The following ANO10 variants were observed in gnomAD, a reference collection of about 807,000 sequenced individuals.
ANO10 encodes the protein anoctamin-10.
In ANO10, 77 loss-of-function variants were observed where a neutral mutation model predicts 74.7. That is an observed-to-expected ratio of 1.03 (90% confidence interval 0.86 to 1.25). The LOEUF (loss-of-function observed/expected upper bound fraction) is 1.25. Among genes scored for constraint, ANO10 ranks in the 50% most tolerant of loss-of-function variants. The pLI is 0.00. For missense variants in ANO10, 721 were observed against 778.1 expected (o/e 0.93, Z 0.87); for synonymous variants, 279 against 284.9 (o/e 0.98, Z 0.21).
At chr3:43,589,621 T>A (rs1331815591) in intron 4 of ANO10, among the ~76,000 whole-genome samples, 6 of 152,044 alleles carry the variant, frequency 3.9e-5, no homozygotes, top group Non-Finnish European at 7.4e-5. Flanking sequence ...CTCAAATAAA[T>A]AAATAAATAC....
chr3:43,583,888 T>C (rs924363968), intron 4 of ANO10, among the ~76,000 whole-genome samples: 3 of 152,254 alleles, frequency 2.0e-5, no homozygotes, highest in African/African-American at 7.2e-5. Flanking sequence ...AAAGACATAA[T>C]ATATGTGCCA....
intron 1 of ANO10, among the ~76,000 whole-genome samples, chr3:43,679,268 A>G (rs1161573368): frequency 2.6e-5 from 4 of 152,224 alleles, no homozygotes; most frequent in Non-Finnish European, 5.9e-5. Flanking sequence ...CAATGGTCTT[A>G]GCAAACGGCA....
Position 43,366,703 on chromosome 3 carries a change from G to A in ANO10, c.*203C>T. 1 of 634,850 alleles carries A rather than the reference G, an allele frequency of 1.6e-6. No homozygotes were observed. 39.3% of individuals were successfully genotyped at this position (634,850 alleles called of 1,614,324 possible). A position where few individuals can be genotyped will look rare whatever the true frequency, so the allele number is the denominator to read the frequency against. On this transcript the variant is annotated 3_prime_UTR_variant, in exon 13 of 13. Coordinates refer to ENST00000292246, the MANE Select transcript of ANO10 (RefSeq NM_018075.5). ...ACTGGGAAGGAGCAGACAGGGTGGG[G>A]CTGGGGGAACTGCCAAGGATCCCGA...
At chr3:43,591,037 G>T (rs2081719099) in intron 4 of ANO10, among the ~76,000 whole-genome samples, 1 of 152,160 alleles carries the variant, frequency 6.6e-6, no homozygotes. Context: ...ACAATGATCG[G>T]GATATAAACC....
At chr3:43,644,084 T>TTTG (rs2083702126) in intron 1 of ANO10, among the ~76,000 whole-genome samples, 2 of 152,060 alleles carry the variant, frequency 1.3e-5, no homozygotes, top group African/African-American at 4.8e-5. Context: ...TCCCTGATTT[T>TTTG]TTTGTTTGTT....
intron 4 of ANO10, among the ~76,000 whole-genome samples, chr3:43,594,861 G>A (rs573547102): frequency 2.2e-4 from 33 of 152,052 alleles, no homozygotes; most frequent in East Asian, 3.9e-4. Context: ...TTGATAGACC[G>A]CTAGCAAGAC....
chr3:43,587,625 T>C (rs886432996), intron 4 of ANO10, among the ~76,000 whole-genome samples: 1 of 152,068 alleles, frequency 6.6e-6, no homozygotes, highest in Non-Finnish European at 1.5e-5. Context: ...CAAAGGGAAG[T>C]GTCTAGAAAA....
intron 11 of ANO10, among the ~76,000 whole-genome samples, chr3:43,515,170 C>T (rs1024530261): frequency 6.6e-6 from 1 of 152,190 alleles, no homozygotes; most frequent in South Asian, 2.1e-4. Context: ...GTCAACTTGA[C>T]TGAGCCATGG....
At chr3:43,394,317 C>A (rs1470250598) in intron 12 of ANO10, among the ~76,000 whole-genome samples, 1 of 152,152 alleles carries the variant, frequency 6.6e-6, no homozygotes, top group East Asian at 1.9e-4. Flanking sequence ...CAGGCAGCCA[C>A]CCCTTGAAAA....
intron 1 of ANO10, among the ~76,000 whole-genome samples, chr3:43,658,597 G>T (rs2083884798): frequency 6.6e-6 from 1 of 152,104 alleles, no homozygotes; most frequent in Non-Finnish European, 1.5e-5. Context: ...AGCCTCCTGA[G>T]TAGCTGGGAT....
chr3:43,502,791 G>T (rs1280637089), intron 11 of ANO10, among the ~76,000 whole-genome samples: 1 of 152,132 alleles, frequency 6.6e-6, no homozygotes, highest in Non-Finnish European at 1.5e-5. Flanking sequence ...CTACAGCATG[G>T]ATAAACCCTG....
intron 1 of ANO10, chr3:43,690,281 C>T (rs899559221): frequency 6.6e-6 from 1 of 152,280 alleles, no homozygotes; most frequent in Non-Finnish European, 1.5e-5. Flanking sequence ...TCTCCAACTC[C>T]CGACCTCAGA....
intron 12 of ANO10, chr3:43,372,797 G>A: frequency 6.5e-7 from 1 of 1,529,494 alleles, no homozygotes; most frequent in Non-Finnish European, 8.8e-7. Context: ...CTGGCACTGA[G>A]TTGGTGCTCC....
At chr3:43,400,154 T>G (rs1449710051) in intron 12 of ANO10, among the ~76,000 whole-genome samples, 3 of 152,146 alleles carry the variant, frequency 2.0e-5, no homozygotes, top group African/African-American at 7.2e-5. Context: ...TTTCCAACAT[T>G]TTTAATAGAT....
intron 12 of ANO10, among the ~76,000 whole-genome samples, chr3:43,377,989 G>A (rs1416598126): frequency 1.3e-5 from 2 of 152,166 alleles, no homozygotes; most frequent in Non-Finnish European, 2.9e-5. Flanking sequence ...GCCTCCCACT[G>A]CAGTCCCGAC....
At chr3:43,453,386 A>G (rs2074971474) in intron 11 of ANO10, among the ~76,000 whole-genome samples, 1 of 152,048 alleles carries the variant, frequency 6.6e-6, no homozygotes, top group Non-Finnish European at 1.5e-5. Flanking sequence ...TCACTGTGTT[A>G]GCCAGGATGG....
chr3:43,514,724 G>A (rs2077641857), intron 11 of ANO10, among the ~76,000 whole-genome samples: 1 of 151,966 alleles, frequency 6.6e-6, no homozygotes, highest in Non-Finnish European at 1.5e-5. Flanking sequence ...CCATATTATG[G>A]GACATTAAAT....
Position 43,394,785 on chromosome 3 carries a change from T to C in ANO10, c.1915-27811A>G, listed in dbSNP as rs186325748. ...CCCTGATCTCTAATTCTCACAGTGT[T>C]CCCATTTACAGATGTAGTAACTGAC... On this transcript the variant is annotated intron_variant, in intron 12 of 12. Transcript: ENST00000292246. Among the ~76,000 whole-genome samples, 4 of 152,204 alleles carry C rather than the reference T, an allele frequency of 2.6e-5. No individual in the cohort carries two copies. The East Asian group carries it at 7.7e-4, about 29-fold the overall frequency.
intron 1 of ANO10, among the ~76,000 whole-genome samples, chr3:43,609,092 T>C (rs975757842): frequency 1.3e-5 from 2 of 152,228 alleles, no homozygotes; most frequent in Non-Finnish European, 2.9e-5. Flanking sequence ...CTATGTAATC[T>C]TCCTAAAGTC....
Sources: gnomAD v4.1 joint callset for allele counts (sites outside exome capture counted in the v4.1 genomes callset) on GRCh38, gnomAD v4.1.1 for gene constraint, MANE v1.5 for transcripts, NCBI Gene and HGNC (gene_info 2026-07-23, HGNC 2026-07-21) for gene names.